Variants in RYR3 observed in about 807,000 individuals in gnomAD.
RYR3 encodes the protein ryanodine receptor 3.
RYR3 carries 207 observed loss-of-function variants against 584.3 expected under a neutral mutation model. The ratio of observed to expected loss-of-function variants is 0.35; its 90% CI spans 0.32 to 0.40. RYR3 has a LOEUF of 0.40. RYR3 is among the 10% of genes least tolerant of loss of function. The pLI is 1.00. For synonymous variants in RYR3, 2,416 were observed against 2,248.5 expected, an observed-to-expected ratio of 1.07 and a Z score of -2.11; for missense variants, 5,616 against 6,089.2, an observed-to-expected ratio of 0.92 and a Z score of 2.59.
intron 3 of RYR3, among the ~76,000 whole-genome samples, chr15:33,524,618 C>T (rs917799802): frequency 2.6e-5 from 4 of 152,252 alleles, no homozygotes; most frequent in South Asian, 2.1e-4. Flanking sequence ...GGTTGTATTC[C>T]GTACCACCTT....
chr15:33,367,640 G>T (rs892172501), intron 1 of RYR3, among the ~76,000 whole-genome samples: 3 of 152,192 alleles, frequency 2.0e-5, no homozygotes, highest in African/African-American at 7.2e-5. Flanking sequence ...TACCAGGTGT[G>T]CTGGTAAAGG....
Position 33,865,340 on chromosome 15 carries a change from T to C in RYR3, c.*114T>C, listed in dbSNP as rs1597153365. ...TGTGACATTTTCTAAATGCCTCCCT[T>C]AAAAAAAAAACTGCTGAAAATCTGT... On this transcript the variant is annotated 3_prime_UTR_variant, in exon 104 of 104. Coordinates refer to ENST00000634891, the MANE Select transcript of RYR3 (RefSeq NM_001036.6). 6 of 622,326 alleles carry C rather than the reference T, an allele frequency of 9.6e-6. No homozygotes were observed. The Admixed American group carries it at 1.7e-4, about 17-fold the overall frequency. The allele number at this position is 622,326 out of a possible 1,614,324, so 38.6% of individuals were successfully genotyped here.
At chr15:33,695,598 C>T (rs563268827) in intron 38 of RYR3, among the ~76,000 whole-genome samples, 1 of 152,170 alleles carries the variant, frequency 6.6e-6, no homozygotes, top group Admixed American at 6.5e-5. Context: ...TCAGATGTCC[C>T]GTTGTAAAGC....
In RYR3 at chr15:33,734,435, G is replaced by C. The variant is rs566549006; in HGVS notation, c.7425-1800G>C. 1.4e-4 allele frequency among the ~76,000 whole-genome samples: 21 copies of C among 152,218 alleles called. No homozygotes were observed. The South Asian group carries it at 4.4e-3, about 32-fold the overall frequency. The stretch of plus-strand genomic sequence containing the variant: ...AACGGTAGAAAATGGAGTAAATAAT[G>C]AGTTTACACAAAAAGAAATCGTTTC... On this transcript the variant is annotated intron_variant, in intron 48 of 103. Transcript: ENST00000634891.
intron 1 of RYR3, among the ~76,000 whole-genome samples, chr15:33,432,247 A>G (rs1251156471): frequency 1.3e-5 from 2 of 152,182 alleles, no homozygotes; most frequent in South Asian, 2.1e-4. Context: ...AAAGATGACT[A>G]CTACAGGAGG....
intron 1 of RYR3, among the ~76,000 whole-genome samples, chr15:33,425,984 T>C (rs908396901): frequency 1.3e-5 from 2 of 152,184 alleles, no homozygotes; most frequent in Non-Finnish European, 2.9e-5. Context: ...TATACTGATA[T>C]GTTCCTACAT....
intron 45 of RYR3, among the ~76,000 whole-genome samples, chr15:33,725,154 TACACACACACACAC>T (rs58951939): frequency 0.031 from 3,519 of 113,874 alleles, 87 homozygotes; most frequent in African/African-American, 0.071. Flanking sequence ...TCCAACACCT[TACACACACACACAC>T]ACACACACAC....
intron 86 of RYR3, among the ~76,000 whole-genome samples, chr15:33,833,744 A>G (rs2077843401): frequency 6.6e-6 from 1 of 152,244 alleles, no homozygotes; most frequent in Non-Finnish European, 1.5e-5. Context: ...TCTAGGGATC[A>G]GACACTGAAT....
intron 42 of RYR3, among the ~76,000 whole-genome samples, chr15:33,704,799 C>T (rs1000045346): frequency 3.9e-5 from 6 of 152,232 alleles, no homozygotes; most frequent in Non-Finnish European, 8.8e-5. Flanking sequence ...ATGTGATTAA[C>T]GCAGGCCAGC....
chr15:33,379,687 C>CTCTCTCTCTCTATATATA, intron 1 of RYR3, among the ~76,000 whole-genome samples: 18 of 125,500 alleles, frequency 1.4e-4, no homozygotes, highest in African/African-American at 5.7e-4. Flanking sequence ...CTCTCTCTCT[C>CTCTCTCTCTCTATATATA]TATATATATA....
Position 33,822,964 on chromosome 15 carries a change from G to T in RYR3, c.10996-32G>T, listed in dbSNP as rs769635683. The T allele has an allele frequency of 2.5e-6, 4 of 1,583,542 alleles. 1 individual carries two copies. In the East Asian group the frequency reaches 9.0e-5, roughly 35 times the overall value. ...TCAGCTCTGTGGTATAGTTTTCATCGCTTTTCCCCTTACAACGTGTCTCCC... is the reference window on the plus strand; with the variant it reads ...TCAGCTCTGTGGTATAGTTTTCATCTCTTTTCCCCTTACAACGTGTCTCCC... On this transcript the variant is annotated intron_variant, in intron 80 of 103. Transcript: ENST00000634891.
intron 55 of RYR3, 144 bp downstream of exon 55, chr15:33,748,674 G>T (rs1416932507): frequency 1.5e-5 from 11 of 737,302 alleles, no homozygotes; most frequent in Non-Finnish European, 2.5e-5. Flanking sequence ...CTTGTGCAGA[G>T]GCCACAGGGA....
chr15:33,466,793 G>A (rs1017766311), intron 1 of RYR3, among the ~76,000 whole-genome samples: 11 of 152,076 alleles, frequency 7.2e-5, no homozygotes, highest in African/African-American at 2.7e-4. Context: ...CAGAACATAC[G>A]ATTCTTTCAC....
intron 41 of RYR3, among the ~76,000 whole-genome samples, chr15:33,700,667 C>T (rs1487266323): frequency 3.3e-5 from 5 of 151,904 alleles, no homozygotes; most frequent in African/African-American, 9.7e-5. Context: ...CTTAGTTGGT[C>T]GAGTGGCATC....
At chr15:33,535,942 G>C (rs2055291348) in intron 5 of RYR3, among the ~76,000 whole-genome samples, 1 of 152,130 alleles carries the variant, frequency 6.6e-6, no homozygotes, top group Admixed American at 6.5e-5. Flanking sequence ...TGAAAACCTA[G>C]AGCCTAAACT....
chr15:33,584,545 T>C (rs1595712533), intron 15 of RYR3, 55 bp downstream of exon 15: 1 of 805,034 alleles, frequency 1.2e-6, no homozygotes, highest in East Asian at 2.7e-5. Flanking sequence ...TTTTTTTCTT[T>C]CTGTAAAAAA....
chr15:33,591,680 A>C (rs1198602394), intron 16 of RYR3, among the ~76,000 whole-genome samples: 1 of 152,242 alleles, frequency 6.6e-6, no homozygotes, highest in Non-Finnish European at 1.5e-5. Flanking sequence ...AAACCTGCTC[A>C]AAGTTGCCAT....
chr15:33,856,470 A>C (rs1286113747), intron 98 of RYR3: 1 of 152,318 alleles, frequency 6.6e-6, no homozygotes, highest in Non-Finnish European at 1.5e-5. Flanking sequence ...GCCTGGAAGT[A>C]AGCGTGCCCT....
intron 9 of RYR3, 133 bp from the exon 10 acceptor site, chr15:33,550,027 G>A: frequency 1.2e-6 from 1 of 838,934 alleles, no homozygotes; most frequent in Non-Finnish European, 1.8e-6. Flanking sequence ...CCAGCAGCCT[G>A]GTGCGTTTTC....
Sources: gnomAD v4.1 joint callset for allele counts (sites outside exome capture counted in the v4.1 genomes callset) on GRCh38, gnomAD v4.1.1 for gene constraint, MANE v1.5 for transcripts, NCBI Gene and HGNC (gene_info 2026-07-23, HGNC 2026-07-21) for gene names.